Variants in EPAS1 observed in about 807,000 individuals in gnomAD.
EPAS1 encodes endothelial PAS domain protein 1.
A neutral mutation model predicts 87.9 loss-of-function variants in EPAS1; 23 were observed. The observed-to-expected ratio is 0.26, with a 90% CI of 0.19 to 0.37. The LOEUF is 0.37. EPAS1 is among the 10% of genes least tolerant of loss of function. The pLI is 1.00. For missense variants in EPAS1, 1,138 were observed against 1,120.7 expected, an observed-to-expected ratio of 1.02 and a Z score of -0.22; for synonymous variants, 508 against 444.3, an observed-to-expected ratio of 1.14 and a Z score of -1.80.
chr2:46,356,115 A>G, intron 2 of EPAS1, 36 bp from the exon 3 acceptor site: 9 of 1,397,098 alleles, frequency 6.4e-6, no homozygotes, highest in Non-Finnish European at 8.1e-6. Flanking sequence ...TTCACTCCAC[A>G]TTCATGCAAG....
intron 7 of EPAS1, among the ~76,000 whole-genome samples, chr2:46,374,008 A>G (rs578080380): frequency 9.2e-5 from 14 of 152,372 alleles, no homozygotes; most frequent in African/African-American, 3.1e-4. Flanking sequence ...TGAGCGCCCT[A>G]TGTGCCAGGC....
chr2:46,310,806 G>T (rs896375382), intron 1 of EPAS1, among the ~76,000 whole-genome samples: 1 of 152,210 alleles, frequency 6.6e-6, no homozygotes, highest in Non-Finnish European at 1.5e-5. Context: ...CTGTCCACCG[G>T]TACTTTGAGG....
chr2:46,353,067 C>A (rs1243083736), intron 2 of EPAS1, among the ~76,000 whole-genome samples: 1 of 152,134 alleles, frequency 6.6e-6, no homozygotes, highest in Non-Finnish European at 1.5e-5. Context: ...CCACTGAGAT[C>A]AAAGAAATTG....
chr2:46,349,965 A>G (rs1684116531), intron 2 of EPAS1, among the ~76,000 whole-genome samples: 1 of 152,222 alleles, frequency 6.6e-6, no homozygotes, highest in African/African-American at 2.4e-5. Flanking sequence ...CCTCATCTGC[A>G]CAAAGGGAAT....
chr2:46,332,513 T>C lies in EPAS1; in HGVS notation c.27-14360T>C, dbSNP rs369026069. On this transcript the variant is annotated intron_variant, in intron 1 of 15. Coordinates refer to ENST00000263734, the MANE Select transcript of EPAS1 (RefSeq NM_001430.5). ...GTTAACCCCCTCCTCGTCTGATGTG[T>C]GTCTTGCAGGGAAGTCAAAGGCGGA... Among the ~76,000 whole-genome samples the C allele has an allele frequency of 2.4e-4, 36 of 152,290 alleles. No individual in the cohort carries two copies. The South Asian group carries it at 3.5e-3, about 15-fold the overall frequency.
intron 1 of EPAS1, among the ~76,000 whole-genome samples, chr2:46,336,736 T>G (rs1683800496): frequency 6.6e-6 from 1 of 152,174 alleles, no homozygotes. Context: ...ACTCAAAGTG[T>G]GAGGTCACAG....
intron 1 of EPAS1, among the ~76,000 whole-genome samples, chr2:46,342,294 C>G (rs1346378234): frequency 2.0e-5 from 3 of 152,172 alleles, no homozygotes; most frequent in Non-Finnish European, 4.4e-5. Context: ...CAGGCAGCCC[C>G]TGTACAGCAG....
At position 46,330,508 on chromosome 2, in the gene EPAS1, C is replaced by G. The variant is rs77426138; in HGVS notation, c.27-16365C>G. ...GTGGCCTTGAGGTTTGTCAGAAGTT[C>G]TCTAGAATTGGCAACTTAGCTGTGA... On this transcript the variant is annotated intron_variant, in intron 1 of 15. Transcript: ENST00000263734. 6.5e-4 allele frequency among the ~76,000 whole-genome samples: 99 copies of G among 152,324 alleles called. 1 individual carries two copies. The East Asian group carries it at 0.018, about 28-fold the overall frequency.
chr2:46,298,397 CCG>C (rs1682929618), intron 1 of EPAS1, among the ~76,000 whole-genome samples: 1 of 152,220 alleles, frequency 6.6e-6, no homozygotes, highest in Non-Finnish European at 1.5e-5. Flanking sequence ...TGTGCCCGCG[CCG>C]CGGCCCAAGT....
chr2:46,302,162 G>GGGGC (rs1683018300), intron 1 of EPAS1, among the ~76,000 whole-genome samples: 1 of 130,996 alleles, frequency 7.6e-6, no homozygotes, highest in African/African-American at 2.9e-5. Flanking sequence ...CCGTGCGTCG[G>GGGGC]GGGGGGGGGC....
Position 46,380,552 on chromosome 2 carries a change from C to A in EPAS1, c.1880C>A (p.Pro627His). ...LPPCCGQAST[P>H]LSSMGGRSNT... Reference sequence around the variant, plus strand: ...CCGTGCTGTGGCCAGGCCAGCACCCCTCTCTCTTCCATGGGGGGCAGATCC... The same window carrying A: ...CCGTGCTGTGGCCAGGCCAGCACCCATCTCTCTTCCATGGGGGGCAGATCC... The change falls in exon 12 of 16, where the codon CCT becomes CAT. Residue 627 changes from proline to histidine, a missense_variant. By Grantham distance (77) the Pro-to-His change is moderately conservative. This residue lies in a region of EPAS1 where 502 missense variants were observed against 427.1 expected (regional missense o/e 1.18). Transcript: ENST00000263734. This position sits in a 1 kb window ranked among gnomAD's most constrained non-coding sequence, Gnocchi z 4.4. 1.2e-6 allele frequency: 2 copies of A among 1,614,178 alleles called. No individual in the cohort carries two copies. Among genetic ancestry groups the A allele is most frequent in the Non-Finnish European group, 1.7e-6 (2 of 1,180,032 alleles).
At chr2:46,317,120 T>C (rs747464586) in intron 1 of EPAS1, among the ~76,000 whole-genome samples, 2 of 152,356 alleles carry the variant, frequency 1.3e-5, no homozygotes, top group African/African-American at 4.8e-5. Context: ...AGTTACTTCC[T>C]CCACTAAAGT....
At position 46,384,731 on chromosome 2, in the gene EPAS1, T is replaced by A. The variant is rs1447183920; in HGVS notation, c.*71T>A. The A allele has an allele frequency of 1.5e-5, 23 of 1,569,530 alleles. No homozygotes were observed. The highest frequency in any genetic ancestry group is 1.9e-5 in the Non-Finnish European group (22 of 1,158,108). ...CAGCTTCACTCTCTCCGTCTGTTTT[T>A]GCAACTAGGTATTTCTAACGCCAGC... On this transcript the variant is annotated 3_prime_UTR_variant, in exon 16 of 16. Transcript: ENST00000263734.
chr2:46,384,632 T>A lies in EPAS1; in HGVS notation c.2585T>A (p.Leu862His), dbSNP rs1260760437. 5 of 1,614,004 alleles carry A rather than the reference T, an allele frequency of 3.1e-6. No homozygotes were observed. The highest frequency in any genetic ancestry group is 1.3e-5 in the African/African-American group (1 of 75,052). ...TCCACGCTCCTGCAAGGAGGGGACCTCCTCAGAGCCCTGGACCAGGCCACC... is the reference window on the plus strand; with the variant it reads ...TCCACGCTCCTGCAAGGAGGGGACCACCTCAGAGCCCTGGACCAGGCCACC... Reference protein sequence around the residue: ...GSSTLLQGGDLLRALDQAT With the variant: ...GSSTLLQGGDHLRALDQAT Residue 862 changes from leucine (L) to histidine (H), a missense_variant, in exon 16 of 16, where the codon CTC (leucine) becomes CAC (histidine). Coordinates refer to ENST00000263734, the MANE Select transcript of EPAS1 (RefSeq NM_001430.5).
intron 1 of EPAS1, among the ~76,000 whole-genome samples, chr2:46,341,634 A>C (rs1683916052): frequency 6.6e-6 from 1 of 152,230 alleles, no homozygotes. Context: ...TGCTGGACAC[A>C]GTGAATATGG....
chr2:46,336,705 C>T (rs1217683886), intron 1 of EPAS1, among the ~76,000 whole-genome samples: 1 of 152,174 alleles, frequency 6.6e-6, no homozygotes. Context: ...CAAGATCGCA[C>T]GTGTTCCTGG....
At chr2:46,336,087 G>A (rs1475333863) in intron 1 of EPAS1, among the ~76,000 whole-genome samples, 1 of 152,212 alleles carries the variant, frequency 6.6e-6, no homozygotes, top group Non-Finnish European at 1.5e-5. Context: ...CCCAGCTGCA[G>A]CGCCTGGGAG....
At chr2:46,357,353 C>T (rs1417037743) in intron 4 of EPAS1, among the ~76,000 whole-genome samples, 1 of 152,152 alleles carries the variant, frequency 6.6e-6, no homozygotes, top group African/African-American at 2.4e-5. Context: ...GACCTTGTGG[C>T]AGGTGGCTGG....
At chr2:46,311,085 A>G (rs1271229529) in intron 1 of EPAS1, among the ~76,000 whole-genome samples, 4 of 152,106 alleles carry the variant, frequency 2.6e-5, no homozygotes, top group Admixed American at 2.6e-4. Context: ...TCACCGTGTT[A>G]ACCAGGATGG....
Sources: allele counts gnomAD v4.1 joint callset (sites outside exome capture counted in the v4.1 genomes callset), GRCh38; gene constraint gnomAD v4.1.1; regional missense constraint gnomAD v4.1.1; non-coding constraint Gnocchi (gnomAD v3.1); transcripts MANE v1.5; gene names NCBI Gene and HGNC (gene_info 2026-07-23, HGNC 2026-07-21).